ANKRD35: variants seen among roughly 807,000 people sequenced by gnomAD.
ANKRD35 encodes ankyrin repeat domain-containing protein 35.
A neutral mutation model predicts 109.9 loss-of-function variants in ANKRD35; 102 were observed. That is an observed-to-expected ratio of 0.93 (90% CI 0.79 to 1.09). The LOEUF (loss-of-function observed/expected upper bound fraction) is 1.09. Ranked by LOEUF, ANKRD35 falls within the 50% of genes least tolerant of loss-of-function variation. ANKRD35 has a pLI of 0.00. For missense variants in ANKRD35, 1,240 were observed against 1,230.1 expected, an observed-to-expected ratio of 1.01 and a Z score of -0.12; for synonymous variants, 515 against 512.4, an observed-to-expected ratio of 1.01 and a Z score of -0.07.
chr1:145,871,157 T>TTC (rs1559171870), intron 10 of ANKRD35, among the ~76,000 whole-genome samples: 2 of 77,162 alleles, frequency 2.6e-5, no homozygotes, highest in African/African-American at 1.1e-4. Context: ...TTTTTTCTTT[T>TTC]TTTTTTTTTT....
In ANKRD35 at chr1:145,872,620, T is replaced by G. The variant is rs782762616; in HGVS notation, c.2149A>C (p.Ser717Arg). Reference protein sequence around the residue: ...CLPADLVGERSAQSKAAESLE... With the variant: ...CLPADLVGERRAQSKAAESLE... ...GACTCCGCTGCTTTGCTTTGTGCAC[T>G]CCTCTCGCCCACTAGGTCTGCGGGC... The change falls in exon 10 of 14, where the codon AGT becomes CGT. Residue 717 changes from serine (S) to arginine (R), a missense_variant. Coordinates refer to ENST00000355594, the MANE Select transcript of ANKRD35 (RefSeq NM_144698.5). 1 of 1,613,978 alleles carries G rather than the reference T, an allele frequency of 6.2e-7. No individual in the cohort carries two copies. Among genetic ancestry groups the G allele is most frequent in the Non-Finnish European group, 8.5e-7 (1 of 1,179,932 alleles).
rs781961496 is a variant in ANKRD35 at position 145,882,462 on chromosome 1, A to ATTTTTTTTTTTTTTTTT, written c.40-3075_40-3074insAAAAAAAAAAAAAAAAA. 2.6e-3 allele frequency among the ~76,000 whole-genome samples: 366 copies of ATTTTTTTTTTTTTTTTT among 140,200 alleles called. 1 individual carries two copies. Among genetic ancestry groups the ATTTTTTTTTTTTTTTTT allele is most frequent in the African/African-American group, 9.1e-3 (336 of 36,882 alleles). 92.0% of individuals were successfully genotyped at this position (140,200 alleles called of 152,430 possible). A position where few individuals can be genotyped will look rare whatever the true frequency, so the allele number is the denominator to read the frequency against. On this transcript the variant is annotated intron_variant, in intron 1 of 13. Coordinates refer to ENST00000355594, the MANE Select transcript of ANKRD35 (RefSeq NM_144698.5). ...AGGCATGCTCTACCACACCCAGGTAATTTTTTTTTTTAGAGATGAGGTATC... is the reference window on the plus strand; with the variant it reads ...AGGCATGCTCTACCACACCCAGGTAATTTTTTTTTTTTTTTTTTTTTTTTTTTTAGAGATGAGGTATC...
At chr1:145,875,139 CTA>C in intron 7 of ANKRD35, 133 bp from the exon 8 acceptor site, 1 of 763,374 alleles carries the variant, frequency 1.3e-6, no homozygotes. Context: ...TTAGACCAGA[CTA>C]GACTTCTCTT....
chr1:145,869,174 T>C (rs1161712679), intron 10 of ANKRD35, among the ~76,000 whole-genome samples: 1 of 114,036 alleles, frequency 8.8e-6, no homozygotes, highest in Non-Finnish European at 1.8e-5. Flanking sequence ...GAAGTTTGTT[T>C]TTTTGTTTTT....
At chr1:145,878,270 C>T (rs1279712938) in intron 3 of ANKRD35, 121 bp downstream of exon 3, 2 of 1,140,092 alleles carry the variant, frequency 1.8e-6, no homozygotes, top group African/African-American at 3.1e-5. Flanking sequence ...CTGGCCAGAA[C>T]TTACTAAGGA....
At chr1:145,883,519 T>G (rs587751255) in intron 1 of ANKRD35, among the ~76,000 whole-genome samples, 1 of 152,202 alleles carries the variant, frequency 6.6e-6, no homozygotes, top group South Asian at 2.1e-4. Flanking sequence ...GGAGTTGGGG[T>G]TTTTTTGTGT....
At chr1:145,867,861 G>A (rs971088891) in intron 12 of ANKRD35, 130 bp downstream of exon 12, 21 of 819,504 alleles carry the variant, frequency 2.6e-5, no homozygotes, top group Admixed American at 1.2e-4. Flanking sequence ...CAGAGACCTA[G>A]CACTGGATCC....
intron 13 of ANKRD35, 81 bp downstream of exon 13, chr1:145,867,206 G>T: frequency 1.0e-6 from 1 of 957,286 alleles, no homozygotes. Flanking sequence ...GGGGGCAAAA[G>T]GGACTAATTT....
At chr1:145,881,779 A>G (rs1418419666) in intron 1 of ANKRD35, among the ~76,000 whole-genome samples, 1 of 152,144 alleles carries the variant, frequency 6.6e-6, no homozygotes, top group Non-Finnish European at 1.5e-5. Context: ...TCTGTCACAT[A>G]GTAGATGCAC....
intron 12 of ANKRD35, 136 bp from the exon 13 acceptor site, chr1:145,867,528 A>G (rs1553737916): frequency 4.3e-6 from 3 of 697,150 alleles, no homozygotes; most frequent in Non-Finnish European, 7.3e-6. Flanking sequence ...TAACTTCTCC[A>G]TGGCTTTTTC....
At chr1:145,885,375 T>C (rs1310011224) in intron 1 of ANKRD35, among the ~76,000 whole-genome samples, 1 of 151,676 alleles carries the variant, frequency 6.6e-6, no homozygotes, top group Non-Finnish European at 1.5e-5. Context: ...AGGAAGATGC[T>C]TGGGGGAGGT....
At chr1:145,879,697 G>C (rs1559177312) in intron 1 of ANKRD35, among the ~76,000 whole-genome samples, 1 of 152,144 alleles carries the variant, frequency 6.6e-6, no homozygotes, top group Non-Finnish European at 1.5e-5. Flanking sequence ...ATCATGATTA[G>C]AGTTGTTGTT....
rs201062799 is a variant in ANKRD35, at chr1:145,867,275, C to T, written c.*43+12G>A. 6.4e-7 allele frequency: 1 copy of T among 1,558,338 alleles called. No homozygotes were observed. Among genetic ancestry groups the T allele is most frequent in the African/African-American group, 1.4e-5 (1 of 73,684 alleles). ...AAACTCCTTCCCTCATCACCCTTAACCCACAACTCACAACAGAGAATCTCG... is the reference window on the plus strand; with the variant it reads ...AAACTCCTTCCCTCATCACCCTTAATCCACAACTCACAACAGAGAATCTCG... On this transcript the variant is annotated intron_variant, in intron 13 of 13. Coordinates refer to ENST00000355594, the MANE Select transcript of ANKRD35 (RefSeq NM_144698.5).
Position 145,872,394 on chromosome 1 carries a change from T to A in ANKRD35, c.2375A>T (p.Glu792Val). Residue 792 changes from glutamate to valine, a missense_variant, in exon 10 of 14, where the codon GAG becomes GTG. Transcript: ENST00000355594. ...LEQDLGKLEE[E>V]LRAVQATMSG... ...CATCGTGGCCTGAACTGCCCGCAGC[T>A]CTTCCTCCAGCTTCCCCAGGTCTTG... The A allele has an allele frequency of 1.9e-6, 3 of 1,613,272 alleles. No homozygotes were observed. Among genetic ancestry groups the A allele is most frequent in the Non-Finnish European group, 2.5e-6 (3 of 1,179,746 alleles).
At chr1:145,868,902 C>A (rs1382054341) in intron 10 of ANKRD35, among the ~76,000 whole-genome samples, 1 of 152,182 alleles carries the variant, frequency 6.6e-6, no homozygotes, top group Non-Finnish European at 1.5e-5. Flanking sequence ...ATAAAGGAAA[C>A]TAACTATATT....
intron 1 of ANKRD35, among the ~76,000 whole-genome samples, 179 bp from the exon 2 acceptor site, chr1:145,879,567 C>A (rs1440960839): frequency 6.6e-6 from 1 of 152,094 alleles, no homozygotes; most frequent in East Asian, 1.9e-4. Context: ...TCTTAACCAG[C>A]TAATATGCCA....
intron 10 of ANKRD35, among the ~76,000 whole-genome samples, chr1:145,870,804 C>G (rs1210316015): frequency 6.6e-6 from 1 of 152,114 alleles, no homozygotes; most frequent in East Asian, 1.9e-4. Context: ...ACTGCAACCT[C>G]CACCTCCCAG....
At chr1:145,882,109 C>T (rs587727726) in intron 1 of ANKRD35, among the ~76,000 whole-genome samples, 7 of 151,264 alleles carry the variant, frequency 4.6e-5, no homozygotes, top group Admixed American at 3.9e-4. Flanking sequence ...CGCCCGCCAC[C>T]ACACCCGGAT....
chr1:145,884,043 C>T (rs868975397), intron 1 of ANKRD35, among the ~76,000 whole-genome samples: 1 of 152,146 alleles, frequency 6.6e-6, no homozygotes, highest in Non-Finnish European at 1.5e-5. Context: ...ATTCCAAAAG[C>T]CAGCCCACTC....
Sources: allele counts gnomAD v4.1 joint callset (sites outside exome capture counted in the v4.1 genomes callset), GRCh38; gene constraint gnomAD v4.1.1; transcripts MANE v1.5; gene names NCBI Gene and HGNC (gene_info 2026-07-23, HGNC 2026-07-21).